Variants in SNX29 observed in about 807,000 individuals in gnomAD.
The protein encoded by SNX29 is sorting nexin 29.
SNX29 carries 78 observed loss-of-function variants against 102.1 expected under a neutral mutation model. The observed-to-expected ratio is 0.76, with a 90% CI of 0.64 to 0.92. The LOEUF (loss-of-function observed/expected upper bound fraction) is 0.92. Among genes scored for constraint, SNX29 ranks in the 40% least tolerant of loss-of-function variants. The pLI is 0.00. For synonymous variants in SNX29, 580 were observed against 414.5 expected (o/e 1.40, Z -4.85); for missense variants, 1,280 against 1,061.7 (o/e 1.21, Z -2.86).
At chr16:12,490,472 T>C (rs992560456) in intron 19 of SNX29, among the ~76,000 whole-genome samples, 7 of 152,256 alleles carry the variant, frequency 4.6e-5, no homozygotes, top group Non-Finnish European at 8.8e-5. Context: ...CAATGTTTTC[T>C]GGTCTGGCTC....
At chr16:12,078,053 T>G (rs1486606909) in intron 10 of SNX29, among the ~76,000 whole-genome samples, 1 of 152,226 alleles carries the variant, frequency 6.6e-6, no homozygotes, top group African/African-American at 2.4e-5. Context: ...CTGTAAGCCA[T>G]GCCTGAATGA....
intron 15 of SNX29, among the ~76,000 whole-genome samples, chr16:12,280,141 C>T (rs935892381): frequency 3.9e-5 from 6 of 152,158 alleles, no homozygotes; most frequent in African/African-American, 1.4e-4. Context: ...TGATTTATTT[C>T]AGTGTTTATG....
chr16:12,543,951 C>T (rs573415413), intron 20 of SNX29, among the ~76,000 whole-genome samples: 45 of 152,278 alleles, frequency 3.0e-4, no homozygotes, highest in African/African-American at 8.4e-4. Flanking sequence ...AAGCGAGGAG[C>T]CTATCTGCTG....
intron 20 of SNX29, chr16:12,527,159 C>G (rs1014373789): frequency 5.0e-5 from 26 of 519,496 alleles, no homozygotes; most frequent in African/African-American, 4.7e-4. Flanking sequence ...CTCCTTCTTC[C>G]TTTTTGAGCA....
At chr16:11,982,116 A>T (rs961680900) in intron 1 of SNX29, among the ~76,000 whole-genome samples, 13 of 152,144 alleles carry the variant, frequency 8.5e-5, no homozygotes, top group African/African-American at 3.1e-4. Context: ...CATACTGAAG[A>T]CAATATTTAT....
chr16:12,571,801 T>G lies in SNX29; in HGVS notation c.*3172T>G, dbSNP rs1244225137. Reference sequence around the variant, plus strand: ...TCTCCGCCACTCTTCCTGCAATCAGTGTGAAATTCCAGCTTCTTTGATTCC... The same window carrying G: ...TCTCCGCCACTCTTCCTGCAATCAGGGTGAAATTCCAGCTTCTTTGATTCC... On this transcript the variant is annotated 3_prime_UTR_variant, in exon 21 of 21. Coordinates refer to ENST00000566228, the MANE Select transcript of SNX29 (RefSeq NM_032167.5). The G allele has an allele frequency of 2.0e-6, 2 of 1,017,574 alleles. No individual in the cohort carries two copies. The highest frequency in any genetic ancestry group is 5.4e-5 in the Admixed American group (1 of 18,536). 63.0% of individuals were successfully genotyped at this position (1,017,574 alleles called of 1,614,324 possible).
chr16:12,032,494 C>T (rs1596645689), intron 4 of SNX29, among the ~76,000 whole-genome samples: 1 of 152,202 alleles, frequency 6.6e-6, no homozygotes, highest in South Asian at 2.1e-4. Context: ...GCATGAGCAA[C>T]CGCGCCTGGC....
At chr16:12,486,485 A>G (rs1000932677) in intron 19 of SNX29, among the ~76,000 whole-genome samples, 9 of 152,196 alleles carry the variant, frequency 5.9e-5, no homozygotes, top group African/African-American at 2.2e-4. Context: ...CCCACTTTAC[A>G]AATGGGGCAG....
At chr16:12,150,459 A>T (rs531492039) in intron 13 of SNX29, among the ~76,000 whole-genome samples, 1 of 152,382 alleles carries the variant, frequency 6.6e-6, no homozygotes, top group South Asian at 2.1e-4. Context: ...GTACGAGGCC[A>T]GACCTAACCC....
chr16:12,479,895 C>A (rs1485231193), intron 19 of SNX29, among the ~76,000 whole-genome samples: 1 of 152,112 alleles, frequency 6.6e-6, no homozygotes, highest in Non-Finnish European at 1.5e-5. Flanking sequence ...GGGGAAAACT[C>A]TTAGGTTGTG....
At chr16:12,207,664 C>T (rs760778046) in intron 14 of SNX29, among the ~76,000 whole-genome samples, 47 of 152,160 alleles carry the variant, frequency 3.1e-4, no homozygotes, top group African/African-American at 9.2e-4. Flanking sequence ...CTAGAAACTC[C>T]GCTTCCCTTA....
At chr16:12,247,372 T>A (rs1226945253) in intron 14 of SNX29, among the ~76,000 whole-genome samples, 1 of 152,248 alleles carries the variant, frequency 6.6e-6, no homozygotes, top group Admixed American at 6.5e-5. Context: ...TAGCCTTTCT[T>A]CCTTTACTTA....
At chr16:12,360,705 C>T (rs1481723178) in intron 16 of SNX29, among the ~76,000 whole-genome samples, 1 of 151,958 alleles carries the variant, frequency 6.6e-6, no homozygotes, top group Non-Finnish European at 1.5e-5. Flanking sequence ...GTTTGCTTCC[C>T]TAATTCCTGA....
chr16:12,050,369 T>C (rs889326307), intron 7 of SNX29, among the ~76,000 whole-genome samples: 21 of 152,252 alleles, frequency 1.4e-4, no homozygotes, highest in Admixed American at 1.1e-3. Context: ...GCTTGATTTC[T>C]TTTTCAGTTA....
chr16:12,060,766 A>G (rs1249619396), intron 8 of SNX29: 2 of 456,188 alleles, frequency 4.4e-6, no homozygotes, highest in African/African-American at 2.0e-5. Flanking sequence ...TGCAGGGGCA[A>G]TTACTCCCAA....
intron 20 of SNX29, among the ~76,000 whole-genome samples, chr16:12,549,538 C>T (rs1381459116): frequency 3.9e-5 from 6 of 152,192 alleles, no homozygotes; most frequent in African/African-American, 7.2e-5. Context: ...CTCAAATAGC[C>T]AGTAAGGCAT....
intron 15 of SNX29, among the ~76,000 whole-genome samples, chr16:12,288,464 C>G (rs1269272225): frequency 2.6e-5 from 4 of 152,196 alleles, no homozygotes; most frequent in Non-Finnish European, 2.9e-5. Context: ...CCCTGCTCTG[C>G]AGCAGCAGTC....
At chr16:12,333,395 G>A (rs1327077553) in intron 15 of SNX29, among the ~76,000 whole-genome samples, 2 of 152,130 alleles carry the variant, frequency 1.3e-5, no homozygotes, top group East Asian at 1.9e-4. Context: ...GTGAGCCACC[G>A]CACCTGGCCG....
At position 12,572,488 on chromosome 16, in the gene SNX29, T is replaced by A. The variant is rs2079208365; in HGVS notation, c.*3859T>A. ...CAACCCTGAGGACCAGTTCTTGGGG[T>A]TCCAGGCCTCGGCCTTCCTGCTCCA... On this transcript the variant is annotated 3_prime_UTR_variant, in exon 21 of 21. Transcript: ENST00000566228. 7.5e-6 allele frequency: 8 copies of A among 1,063,652 alleles called. No individual in the cohort carries two copies. Among genetic ancestry groups the A allele is most frequent in the Middle Eastern group, 4.1e-4 (1 of 2,410 alleles). The allele number at this position is 1,063,652 out of a possible 1,614,324, so 65.9% of individuals were successfully genotyped here. A position where few individuals can be genotyped will look rare whatever the true frequency, so the allele number is the denominator to read the frequency against.
Sources: gnomAD v4.1 joint callset for allele counts (sites outside exome capture counted in the v4.1 genomes callset) on GRCh38, gnomAD v4.1.1 for gene constraint, MANE v1.5 for transcripts, NCBI Gene and HGNC (gene_info 2026-07-23, HGNC 2026-07-21) for gene names.